FHL1: variants seen among roughly 807,000 people sequenced by gnomAD.
The protein encoded by FHL1 is four and a half LIM domains 1.
Under a neutral mutation model 20.3 loss-of-function variants are expected in FHL1, and 1 was observed. The observed-to-expected ratio is 0.05, with a 90% CI of 0.02 to 0.23. The LOEUF is 0.23. Ranked by LOEUF, FHL1 falls within the 10% of genes least tolerant of loss-of-function variation. FHL1 has a pLI of 1.00. For synonymous variants in FHL1, 82 were observed against 88.9 expected (o/e 0.92, Z 0.44); for missense variants, 177 against 234.0 (o/e 0.76, Z 1.59).
rs1394298803 is a variant in FHL1, at chrX:136,206,579, G to A, written c.195G>A (p.Ala65=). 10 of 1,212,415 alleles carry A rather than the reference G, an allele frequency of 8.2e-6. No individual in the cohort carries two copies. The highest frequency in any genetic ancestry group is 4.3e-5 in the Admixed American group (2 of 46,160). Residue 65 remains alanine (A), a synonymous_variant, in exon 2 of 6, where the codon GCG becomes GCA. Coordinates refer to ENST00000370683, the MANE Select transcript of FHL1 (RefSeq NM_001159699.2). The part of the protein sequence containing the change: ...TCVECRKPIG[A]DSKEVHYKNR... ...TGGAATGCCGCAAGCCCATCGGTGC[G>A]GACTCCAAGGTAACGGGCATCCCCA...
chrX:136,175,896 T>G (rs1468266964), intron 2 of FHL1, among the ~76,000 whole-genome samples: 1 of 112,434 alleles, frequency 8.9e-6, no homozygotes, highest in Non-Finnish European at 1.9e-5. Context: ...ATGTTGAGAA[T>G]CTTCCACTTT....
chrX:136,171,240 T>C (rs1197332920), intron 2 of FHL1, among the ~76,000 whole-genome samples: 1 of 110,979 alleles, frequency 9.0e-6, no homozygotes, highest in Non-Finnish European at 1.9e-5. Context: ...CCTATAATGG[T>C]TGTTTTCAAA....
At chrX:136,169,958 A>G (rs753295743) in exon 2 of FHL1, 1 of 330,841 alleles carries the variant, frequency 3.0e-6, no homozygotes. Context: ...AATACATCCT[A>G]TCTGCCACAC....
At chrX:136,194,731 G>C (rs775591303), upstream of FHL1, among the ~76,000 whole-genome samples, 13 of 112,235 alleles carry the variant, frequency 1.2e-4, no homozygotes, top group Non-Finnish European at 2.4e-4. Context: ...CCAGGTACCT[G>C]TGAAATAGCC....
intron 1 of FHL1, among the ~76,000 whole-genome samples, chrX:136,152,676 C>T (rs769346460): frequency 2.0e-5 from 2 of 98,537 alleles, no homozygotes; most frequent in Non-Finnish European, 2.0e-5. Context: ...GCCGAGATAG[C>T]GCCACTGTAT....
At chrX:136,191,050 G>A (rs973154556) in intron 2 of FHL1, among the ~76,000 whole-genome samples, 1 of 111,638 alleles carries the variant, frequency 9.0e-6, no homozygotes, top group African/African-American at 3.3e-5. Context: ...ACAGGTTGAC[G>A]AACAGGGAAG....
At chrX:136,159,303 A>T (rs1392175404) in intron 1 of FHL1, among the ~76,000 whole-genome samples, 8 of 111,176 alleles carry the variant, frequency 7.2e-5, no homozygotes, top group Non-Finnish European at 1.3e-4. Flanking sequence ...GCAATCTGGG[A>T]GGCTGAGGTG....
At chrX:136,193,266 C>T (rs1487425556), upstream of FHL1, among the ~76,000 whole-genome samples, 1 of 111,772 alleles carries the variant, frequency 8.9e-6, no homozygotes, top group African/African-American at 3.3e-5. Flanking sequence ...AGGGTGACCA[C>T]AAGTCAAGCT....
intron 1 of FHL1, 185 bp from the exon 2 acceptor site, chrX:136,206,222 G>A: frequency 1.9e-6 from 1 of 532,132 alleles, no homozygotes; most frequent in Non-Finnish European, 3.2e-6. Context: ...TTTTGTTCCT[G>A]GAATCATAGT....
chrX:136,197,334 T>C (rs957556608), intron 1 of FHL1, among the ~76,000 whole-genome samples, 200 bp downstream of exon 1: 3 of 112,615 alleles, frequency 2.7e-5, no homozygotes, highest in African/African-American at 9.7e-5. Context: ...ATGAACAGTT[T>C]GAGTGATTTA....
intron 2 of FHL1, among the ~76,000 whole-genome samples, chrX:136,185,160 T>C (rs980777440): frequency 6.2e-5 from 7 of 112,691 alleles, no homozygotes; most frequent in African/African-American, 2.3e-4. Flanking sequence ...TTAAATTGAT[T>C]TTTGAATTTG....
At chrX:136,165,433 C>T (rs2072685522), upstream of FHL1, among the ~76,000 whole-genome samples, 1 of 111,635 alleles carries the variant, frequency 9.0e-6, no homozygotes, top group Non-Finnish European at 1.9e-5. Context: ...TGTTTCTGAC[C>T]TCTATAGTAG....
At chrX:136,202,721 A>G (rs2073745324) in intron 1 of FHL1, among the ~76,000 whole-genome samples, 1 of 111,535 alleles carries the variant, frequency 9.0e-6, no homozygotes, top group South Asian at 3.8e-4. Flanking sequence ...GCGCCACTGC[A>G]CTCCAGCCTG....
chrX:136,197,966 A>ACG (rs1305022947), intron 1 of FHL1, among the ~76,000 whole-genome samples: 1 of 68,168 alleles, frequency 1.5e-5, no homozygotes, highest in Non-Finnish European at 2.9e-5. Flanking sequence ...GTCATTATCT[A>ACG]TGTTTTTTTT....
chrX:136,203,665 A>G (rs1370744055), intron 1 of FHL1, among the ~76,000 whole-genome samples: 1 of 112,257 alleles, frequency 8.9e-6, no homozygotes, highest in African/African-American at 3.2e-5. Context: ...AGACTAAACA[A>G]TGAAGAACTT....
chrX:136,162,897 C>G (rs941576235), intron 1 of FHL1, among the ~76,000 whole-genome samples: 1 of 112,166 alleles, frequency 8.9e-6, no homozygotes, highest in African/African-American at 3.2e-5. Flanking sequence ...CTATTTCTCA[C>G]GGTTCTGGAG....
chrX:136,155,811 C>A (rs1423992532), intron 1 of FHL1, among the ~76,000 whole-genome samples: 1 of 47,044 alleles, frequency 2.1e-5, no homozygotes, highest in African/African-American at 5.4e-5. Flanking sequence ...GCAGTGAAAC[C>A]TAGAAAAAAA....
At chrX:136,156,920 C>G (rs2072435933) in intron 1 of FHL1, among the ~76,000 whole-genome samples, 1 of 110,299 alleles carries the variant, frequency 9.1e-6, no homozygotes, top group Admixed American at 9.8e-5. Context: ...CAATCACCTG[C>G]ACTTTCGGGT....
intron 1 of FHL1, chrX:136,148,208 G>A (rs1055415619): frequency 9.7e-6 from 1 of 103,337 alleles, no homozygotes; most frequent in Non-Finnish European, 2.0e-5. Flanking sequence ...GGGGAGATGG[G>A]AGACCTGCCT....
Sources: allele counts gnomAD v4.1 joint callset (sites outside exome capture counted in the v4.1 genomes callset), GRCh38; gene constraint gnomAD v4.1.1; transcripts MANE v1.5; gene names NCBI Gene and HGNC (gene_info 2026-07-23, HGNC 2026-07-21).